Variants in PIAS1 observed in about 807,000 individuals in gnomAD.
The protein encoded by PIAS1 is protein inhibitor of activated STAT 1.
PIAS1 carries 6 observed loss-of-function variants against 71.3 expected under a neutral mutation model. The observed-to-expected ratio is 0.08, with a 90% CI of 0.05 to 0.17. The LOEUF (loss-of-function observed/expected upper bound fraction) is 0.17. Among genes scored for constraint, PIAS1 ranks in the 10% least tolerant of loss-of-function variants. PIAS1 has a pLI of 1.00. For synonymous variants in PIAS1, 303 were observed against 292.9 expected (o/e 1.03, Z -0.35); for missense variants, 555 against 793.6 (o/e 0.70, Z 3.61).
rs963361439 is a variant in PIAS1 at position 68,191,287 on chromosome 15, A to C, written c.*3452A>C. The C allele has an allele frequency of 7.2e-5, 11 of 152,678 alleles. No homozygotes were observed. The highest frequency in any genetic ancestry group is 2.7e-4 in the African/African-American group (11 of 41,472). 9.5% of individuals were successfully genotyped at this position (152,678 alleles called of 1,614,324 possible). A position where few individuals can be genotyped will look rare whatever the true frequency, so the allele number is the denominator to read the frequency against. On this transcript the variant is annotated 3_prime_UTR_variant, in exon 14 of 14. Coordinates refer to ENST00000249636, the MANE Select transcript of PIAS1 (RefSeq NM_016166.3). ...AAACTTTCTCTCTTAGAATTTCCAT[A>C]CCGCATGCCAAACCAGTAAAATGGC...
chr15:68,182,490 C>CGTTTGTGTGTGT (rs2093060873), intron 12 of PIAS1, among the ~76,000 whole-genome samples: 1 of 123,280 alleles, frequency 8.1e-6, no homozygotes, highest in African/African-American at 3.2e-5. Context: ...GCTCAGGCTG[C>CGTTTGTGTGTGT]GTGTGTGTGT....
chr15:68,108,483 C>G (rs1029604755), intron 2 of PIAS1, among the ~76,000 whole-genome samples: 4 of 152,102 alleles, frequency 2.6e-5, no homozygotes, highest in African/African-American at 9.7e-5. Context: ...CTTCTCTTCT[C>G]ACACTCACTC....
intron 7 of PIAS1, among the ~76,000 whole-genome samples, chr15:68,155,191 A>C (rs919189573): frequency 1.3e-5 from 2 of 152,152 alleles, no homozygotes; most frequent in African/African-American, 4.8e-5. Flanking sequence ...GAATTGAATT[A>C]TTTTATTTTC....
At chr15:68,074,185 A>G (rs1426294733) in intron 1 of PIAS1, among the ~76,000 whole-genome samples, 1 of 152,186 alleles carries the variant, frequency 6.6e-6, no homozygotes, top group Non-Finnish European at 1.5e-5. Flanking sequence ...TAATTTAGAG[A>G]TAGCGTTTTG....
chr15:68,073,086 G>C (rs2140967694), intron 1 of PIAS1, among the ~76,000 whole-genome samples: 1 of 152,224 alleles, frequency 6.6e-6, no homozygotes, highest in Admixed American at 6.5e-5. Flanking sequence ...CGCAATCTCG[G>C]CCCACTGCAA....
At chr15:68,088,238 A>G (rs2092303738) in intron 2 of PIAS1, among the ~76,000 whole-genome samples, 1 of 142,278 alleles carries the variant, frequency 7.0e-6, no homozygotes, top group South Asian at 2.3e-4. Flanking sequence ...GTATCTATCC[A>G]TATCTCTGTA....
rs913762088 is a variant in PIAS1, at chr15:68,171,520, G to A, written c.1009-2212G>A. On this transcript the variant is annotated intron_variant, in intron 8 of 13. Transcript: ENST00000249636. The surrounding 1 kb of genome is among the most constrained non-coding windows in gnomAD (Gnocchi z 4.4). ...ATCATATGCAGGAGTGTAGAGTTGG[G>A]AGTACACAGAAGGGAGTTACCAGTT... Among the ~76,000 whole-genome samples, 2 of 152,148 alleles carry A rather than the reference G, an allele frequency of 1.3e-5. No individual in the cohort carries two copies. The highest frequency in any genetic ancestry group is 6.5e-5 in the Admixed American group (1 of 15,274).
At chr15:68,112,513 C>CA (rs34503878) in intron 2 of PIAS1, among the ~76,000 whole-genome samples, 2 of 151,120 alleles carry the variant, frequency 1.3e-5, no homozygotes, top group African/African-American at 2.4e-5. Flanking sequence ...ATTATACCAC[C>CA]AAAAAAAAGT....
In PIAS1 at chr15:68,167,814, C is replaced by T. The variant is rs951561682; in HGVS notation, c.1008+3010C>T. 1.3e-5 allele frequency among the ~76,000 whole-genome samples: 2 copies of T among 150,756 alleles called. No individual in the cohort carries two copies. Among genetic ancestry groups the T allele is most frequent in the African/African-American group, 4.9e-5 (2 of 40,902 alleles). ...TCCACCTCCCAGGTTCAAGCAATTC[C>T]TCTGCTTCAGCCTCCCAAGTAGCTA... is the stretch of plus-strand genomic sequence containing the variant. On this transcript the variant is annotated intron_variant, in intron 8 of 13. Coordinates refer to ENST00000249636, the MANE Select transcript of PIAS1 (RefSeq NM_016166.3). The surrounding 1 kb of genome is among the most constrained non-coding windows in gnomAD (Gnocchi z 4.4).
At chr15:68,092,605 A>G (rs540410870) in intron 2 of PIAS1, among the ~76,000 whole-genome samples, 2 of 152,306 alleles carry the variant, frequency 1.3e-5, no homozygotes, top group African/African-American at 4.8e-5. Flanking sequence ...TCCCAATGCA[A>G]TAGTGTTAAG....
intron 2 of PIAS1, among the ~76,000 whole-genome samples, chr15:68,123,832 C>T (rs2092630070): frequency 6.6e-6 from 1 of 152,082 alleles, no homozygotes; most frequent in Non-Finnish European, 1.5e-5. Flanking sequence ...AATAGATGTA[C>T]CTTCACTACT....
intron 2 of PIAS1, among the ~76,000 whole-genome samples, chr15:68,091,601 G>T (rs1213115525): frequency 6.6e-6 from 1 of 152,092 alleles, no homozygotes; most frequent in Non-Finnish European, 1.5e-5. Context: ...AGAACAGAGA[G>T]CTTTGCATTC....
chr15:68,098,947 C>T (rs2092400756), intron 2 of PIAS1, among the ~76,000 whole-genome samples: 1 of 151,976 alleles, frequency 6.6e-6, no homozygotes, highest in Admixed American at 6.6e-5. Flanking sequence ...GCCAAATTTC[C>T]CTCTAGAGAA....
intron 2 of PIAS1, among the ~76,000 whole-genome samples, chr15:68,116,443 C>T (rs1372549434): frequency 6.6e-6 from 1 of 151,966 alleles, no homozygotes; most frequent in African/African-American, 2.4e-5. Flanking sequence ...CCTCTTATTC[C>T]TGATATCGAC....
rs928724922 is a variant in PIAS1 at position 68,054,335 on chromosome 15, C to G, written c.9C>G (p.Asp3Glu). ...GCGCTGACAGACGCAAGATGGCGGA[C>G]AGTGCGGAACTAAAGGTAAAGCGCA... MADSAELKQMVMS... is the reference protein window; with the variant it reads MAESAELKQMVMS... The change falls in exon 1 of 14, where the codon GAC becomes GAG. Residue 3 changes from aspartate to glutamate, a missense_variant. Transcript: ENST00000249636. The surrounding 1 kb of genome is among the most constrained non-coding windows in gnomAD (Gnocchi z 4.6). 2 of 1,576,988 alleles carry G rather than the reference C, an allele frequency of 1.3e-6. No individual in the cohort carries two copies. Among genetic ancestry groups the G allele is most frequent in the African/African-American group, 1.4e-5 (1 of 73,764 alleles).
intron 2 of PIAS1, among the ~76,000 whole-genome samples, chr15:68,124,083 A>C (rs979731989): frequency 6.6e-6 from 1 of 152,168 alleles, no homozygotes; most frequent in East Asian, 1.9e-4. Flanking sequence ...TAATACCTTT[A>C]TCTCTCTGTG....
chr15:68,113,888 C>A (rs2092542105), intron 2 of PIAS1, among the ~76,000 whole-genome samples: 1 of 151,988 alleles, frequency 6.6e-6, no homozygotes, highest in Admixed American at 6.6e-5. Flanking sequence ...ATGGAAAATT[C>A]ATGTGTAATT....
At chr15:68,180,411 AT>A (rs962516599) in intron 11 of PIAS1, among the ~76,000 whole-genome samples, 3 of 151,620 alleles carry the variant, frequency 2.0e-5, no homozygotes, top group African/African-American at 7.3e-5. Context: ...AGTTAGTTAA[AT>A]TATTATTTTT....
At chr15:68,112,076 A>G (rs1183322484) in intron 2 of PIAS1, among the ~76,000 whole-genome samples, 1 of 152,170 alleles carries the variant, frequency 6.6e-6, no homozygotes, top group East Asian at 1.9e-4. Context: ...GATAACTTAT[A>G]AAGGCTTCCA....
Sources: gnomAD v4.1 joint callset for allele counts (sites outside exome capture counted in the v4.1 genomes callset) on GRCh38, gnomAD v4.1.1 for gene constraint, Gnocchi (gnomAD v3.1) non-coding constraint, MANE v1.5 for transcripts, NCBI Gene and HGNC (gene_info 2026-07-23, HGNC 2026-07-21) for gene names.